ARL3: variants seen among roughly 807,000 people sequenced by gnomAD.
The protein encoded by ARL3 is ADP-ribosylation factor-like protein 3.
Under a neutral mutation model 26.0 loss-of-function variants are expected in ARL3, and 9 were observed. That is an observed-to-expected ratio of 0.35 (90% CI 0.21 to 0.60). ARL3 has a LOEUF of 0.60. ARL3 is among the 20% of genes least tolerant of loss of function. The probability of loss-of-function intolerance (pLI) is 0.78; values close to 1 mark genes in which losing one functional copy is unlikely to be tolerated. For missense variants in ARL3, 158 were observed against 215.7 expected (o/e 0.73, Z 1.67); for synonymous variants, 71 against 78.4 (o/e 0.91, Z 0.50).
At chr10:102,691,264 C>T in intron 3 of ARL3, among the ~76,000 whole-genome samples, 1 of 108,798 alleles carries the variant, frequency 9.2e-6, no homozygotes, top group African/African-American at 3.5e-5. Flanking sequence ...CAATGCTATC[C>T]CTCCCCCCTC....
chr10:102,694,263 A>T (rs1453012906), intron 3 of ARL3, among the ~76,000 whole-genome samples: 1 of 152,212 alleles, frequency 6.6e-6, no homozygotes, highest in Non-Finnish European at 1.5e-5. Context: ...TGCTGGGATT[A>T]CAGGCATGAG....
chr10:102,680,232 C>T (rs555552714), intron 5 of ARL3, among the ~76,000 whole-genome samples: 1 of 152,224 alleles, frequency 6.6e-6, no homozygotes, highest in Admixed American at 6.5e-5. Flanking sequence ...GCGTGAGCCA[C>T]TGCACCTGGC....
At chr10:102,679,697 GC>G (rs2064145947) in intron 5 of ARL3, among the ~76,000 whole-genome samples, 1 of 152,134 alleles carries the variant, frequency 6.6e-6, no homozygotes, top group Admixed American at 6.6e-5. Context: ...CCCCAGCCAA[GC>G]CTCCCTGCAG....
intron 1 of ARL3, among the ~76,000 whole-genome samples, chr10:102,707,872 C>G (rs2064317611): frequency 1.3e-5 from 2 of 152,116 alleles, no homozygotes; most frequent in Non-Finnish European, 2.9e-5. Flanking sequence ...AGATTGGAAA[C>G]AAACAGAAGT....
At chr10:102,691,511 A>G (rs1342033845) in intron 3 of ARL3, among the ~76,000 whole-genome samples, 4 of 152,174 alleles carry the variant, frequency 2.6e-5, no homozygotes, top group African/African-American at 9.7e-5. Context: ...CTATGTTCCA[A>G]GTAACTTCAT....
chr10:102,690,704 T>C (rs2064212472), intron 3 of ARL3, among the ~76,000 whole-genome samples: 2 of 152,178 alleles, frequency 1.3e-5, no homozygotes, highest in Non-Finnish European at 2.9e-5. Flanking sequence ...CAAAAGGCTG[T>C]TATTATTTCT....
chr10:102,702,274 C>G (rs1446656635), intron 2 of ARL3, among the ~76,000 whole-genome samples: 1 of 151,810 alleles, frequency 6.6e-6, no homozygotes, highest in Non-Finnish European at 1.5e-5. Context: ...TTTAAATATA[C>G]CCATCATATA....
intron 1 of ARL3, among the ~76,000 whole-genome samples, chr10:102,707,206 G>C (rs1481351557): frequency 6.6e-6 from 1 of 152,050 alleles, no homozygotes. Context: ...GCTGAGGTGA[G>C]AGAATTGCTA....
chr10:102,709,795 G>A (rs1256846678), intron 1 of ARL3, among the ~76,000 whole-genome samples: 1 of 152,148 alleles, frequency 6.6e-6, no homozygotes, highest in South Asian at 2.1e-4. Context: ...CACTTCGGGA[G>A]GCTGAGGCTG....
intron 4 of ARL3, among the ~76,000 whole-genome samples, chr10:102,686,469 T>TC (rs1218684808): frequency 1.0e-4 from 15 of 148,460 alleles, no homozygotes; most frequent in Admixed American, 1.0e-3. Context: ...TTTCTTTCTT[T>TC]TTTTTTTTTT....
chr10:102,707,983 G>A (rs958980069), intron 1 of ARL3, among the ~76,000 whole-genome samples: 3 of 151,872 alleles, frequency 2.0e-5, no homozygotes, highest in African/African-American at 7.3e-5. Context: ...GCGTGAACAC[G>A]GCTAACTGCA....
intron 1 of ARL3, among the ~76,000 whole-genome samples, chr10:102,709,792 G>A (rs889839118): frequency 2.0e-5 from 3 of 152,094 alleles, no homozygotes; most frequent in African/African-American, 7.2e-5. Context: ...CAGCACTTCG[G>A]GAGGCTGAGG....
At chr10:102,708,197 T>C (rs12780827) in intron 1 of ARL3, among the ~76,000 whole-genome samples, 45,384 of 151,952 alleles carry the variant, frequency 0.3, 7,115 homozygotes, top group Non-Finnish European at 0.32. Flanking sequence ...TTTTATCTCA[T>C]CTGGTCTTGA....
chr10:102,712,069 A>G (rs1052440167), intron 1 of ARL3, among the ~76,000 whole-genome samples: 2 of 152,204 alleles, frequency 1.3e-5, no homozygotes, highest in African/African-American at 4.8e-5. Context: ...ATAAGTGGTT[A>G]GTTACGTGCT....
At chr10:102,679,959 G>A (rs2064147162) in intron 5 of ARL3, among the ~76,000 whole-genome samples, 1 of 151,918 alleles carries the variant, frequency 6.6e-6, no homozygotes. Context: ...GGCAAGGAAG[G>A]CTTTTTTTTT....
At chr10:102,705,140 T>C (rs1469474987) in intron 2 of ARL3, among the ~76,000 whole-genome samples, 1 of 152,236 alleles carries the variant, frequency 6.6e-6, no homozygotes, top group Admixed American at 6.5e-5. Flanking sequence ...TTCTGCATTC[T>C]GTCTCTATGA....
intron 1 of ARL3, among the ~76,000 whole-genome samples, chr10:102,708,908 A>ATATATATTTTTTTTTTTTT: frequency 1.0e-5 from 1 of 95,326 alleles, no homozygotes; most frequent in Admixed American, 1.2e-4. Flanking sequence ...ATATATATAT[A>ATATATATTTTTTTTTTTTT]TTTTTTTTTT....
At chr10:102,708,908 A>ATATATATATATATATTTTTTTTTTT in intron 1 of ARL3, among the ~76,000 whole-genome samples, 3 of 95,310 alleles carry the variant, frequency 3.1e-5, no homozygotes, top group African/African-American at 1.3e-4. Flanking sequence ...ATATATATAT[A>ATATATATATATATATTTTTTTTTTT]TTTTTTTTTT....
In ARL3 at chr10:102,685,821, C is replaced by T. The variant is rs374365288; in HGVS notation, c.496G>A (p.Val166Ile). The T allele has an allele frequency of 1.6e-5, 26 of 1,606,212 alleles. No homozygotes were observed. The highest frequency in any genetic ancestry group is 8.0e-5 in the African/African-American group (6 of 74,620). The change falls in exon 5 of 6, where the codon GTT becomes ATT. Residue 166 changes from valine (V) to isoleucine (I), a missense_variant. Physicochemically the swap from Val to Ile is conservative, Grantham distance 29. Transcript: ENST00000260746. ...AAGCCTTCCTGTAATCTCACCTGAA[C>T]GCCCTCTCCTGTGAGAGCTGAGCAA... ...QSCSALTGEGVQDGMNWVCKN... is the reference protein window; with the variant it reads ...QSCSALTGEGIQDGMNWVCKN...
Sources: gnomAD v4.1 joint callset for allele counts (sites outside exome capture counted in the v4.1 genomes callset) on GRCh38, gnomAD v4.1.1 for gene constraint, MANE v1.5 for transcripts, NCBI Gene and HGNC (gene_info 2026-07-23, HGNC 2026-07-21) for gene names.